COLEC12: variants seen among roughly 807,000 people sequenced by gnomAD.
The protein encoded by COLEC12 is collectin subfamily member 12, also known as collectin-12.
COLEC12 carries 33 observed loss-of-function variants against 71.1 expected under a neutral mutation model. The ratio of observed to expected loss-of-function variants is 0.46; its 90% CI spans 0.35 to 0.62. The LOEUF is 0.62. Among genes scored for constraint, COLEC12 ranks in the 20% least tolerant of loss-of-function variants. The pLI is 0.00. For missense variants in COLEC12, 765 were observed against 916.1 expected, an observed-to-expected ratio of 0.84 and a Z score of 2.13; for synonymous variants, 350 against 353.0, an observed-to-expected ratio of 0.99 and a Z score of 0.10.
chr18:355,927 G>A (rs1395357563), intron 3 of COLEC12, among the ~76,000 whole-genome samples: 1 of 152,154 alleles, frequency 6.6e-6, no homozygotes, highest in African/African-American at 2.4e-5. Context: ...AACTTAAGAT[G>A]CTCTGGGTTA....
chr18:356,084 G>A (rs1914623493), intron 3 of COLEC12, among the ~76,000 whole-genome samples: 1 of 152,184 alleles, frequency 6.6e-6, no homozygotes, highest in Non-Finnish European at 1.5e-5. Context: ...AGTCCCGACT[G>A]TACTGAGGAT....
chr18:484,049 C>A (rs1188005922), intron 1 of COLEC12, among the ~76,000 whole-genome samples: 1 of 152,216 alleles, frequency 6.6e-6, no homozygotes, highest in Non-Finnish European at 1.5e-5. Context: ...GTTCATGCTG[C>A]ACCCTTGATA....
At chr18:350,629 TA>T (rs112955441) in intron 3 of COLEC12, among the ~76,000 whole-genome samples, 5 of 150,876 alleles carry the variant, frequency 3.3e-5, no homozygotes, top group African/African-American at 1.2e-4. Flanking sequence ...ATCAATAGCT[TA>T]AAAAAAAAGA....
At chr18:406,540 A>AG (rs1915793630) in intron 2 of COLEC12, among the ~76,000 whole-genome samples, 50 of 145,934 alleles carry the variant, frequency 3.4e-4, no homozygotes, top group African/African-American at 1.2e-3. Flanking sequence ...AAAAAAAAAA[A>AG]GGGCAACCAG....
chr18:401,659 A>G (rs1915689685), intron 2 of COLEC12, among the ~76,000 whole-genome samples: 1 of 152,246 alleles, frequency 6.6e-6, no homozygotes, highest in South Asian at 2.1e-4. Context: ...CTGGTATCCC[A>G]ACGTTTTTGC....
rs867963075 is a variant in COLEC12, at chr18:399,383, G to A, written c.59-41861C>T. Among the ~76,000 whole-genome samples, 16 of 152,298 alleles carry A rather than the reference G, an allele frequency of 1.1e-4. No homozygotes were observed. Among genetic ancestry groups the A allele is most frequent in the Admixed American group, 5.2e-4 (8 of 15,298 alleles). ...GGAAGGGTTCTCATCACTGTGTAGC[G>A]CGCAGCTCTGTGCCCCTGCCCAGCC... On this transcript the variant is annotated intron_variant, in intron 2 of 9. Transcript: ENST00000400256. The surrounding 1 kb of genome is among the most constrained non-coding windows in gnomAD (Gnocchi z 4.0).
chr18:402,054 G>A (rs1159068719), intron 2 of COLEC12, among the ~76,000 whole-genome samples: 4 of 152,162 alleles, frequency 2.6e-5, no homozygotes, highest in Admixed American at 6.5e-5. Flanking sequence ...CATTGTTATC[G>A]GTTGAGGGTA....
At chr18:367,457 C>T (rs566707368) in intron 2 of COLEC12, among the ~76,000 whole-genome samples, 22 of 152,258 alleles carry the variant, frequency 1.4e-4, no homozygotes, top group South Asian at 8.3e-4. Flanking sequence ...AGACATTCCT[C>T]GTTCCTCAAA....
chr18:378,304 C>T (rs1915156433), intron 2 of COLEC12, among the ~76,000 whole-genome samples: 1 of 152,148 alleles, frequency 6.6e-6, no homozygotes, highest in Admixed American at 6.5e-5. Flanking sequence ...GCTGAGGGCA[C>T]ATCAGAAGAA....
intron 8 of COLEC12, among the ~76,000 whole-genome samples, chr18:331,329 G>A (rs1913975763): frequency 6.6e-6 from 1 of 152,224 alleles, no homozygotes; most frequent in Admixed American, 6.5e-5. Context: ...ACATGCCTGA[G>A]GTTGCCTGGG....
At chr18:432,502 T>C (rs542526242) in intron 2 of COLEC12, among the ~76,000 whole-genome samples, 3 of 152,232 alleles carry the variant, frequency 2.0e-5, no homozygotes, top group South Asian at 2.1e-4. Flanking sequence ...TCAGTTCTGC[T>C]GTATCCAAAT....
rs551887859 is a variant in COLEC12, at chr18:347,226, G to T, written c.396C>A (p.Asn132Lys). ...CCTGTAACTTCTCCAGCGTATCCTT[G>T]TTCTTGCTGGTTTTTTCTGTAATCT... ...LREITEKTSK[N>K]KDTLEKLQAS... Residue 132 changes from asparagine (N) to lysine (K), a missense_variant, in exon 5 of 10, where the codon AAC (asparagine) becomes AAA (lysine). Asn to Lys is a moderately conservative substitution (Grantham distance 94). Coordinates refer to ENST00000400256, the MANE Select transcript of COLEC12 (RefSeq NM_130386.3). The T allele has an allele frequency of 6.2e-7, 1 of 1,614,106 alleles. No individual in the cohort carries two copies. The highest frequency in any genetic ancestry group is 1.3e-5 in the African/African-American group (1 of 74,996).
At chr18:407,669 T>G (rs956225709) in intron 2 of COLEC12, among the ~76,000 whole-genome samples, 2 of 152,180 alleles carry the variant, frequency 1.3e-5, no homozygotes, top group African/African-American at 4.8e-5. Context: ...ACACTACCAA[T>G]CTGAACGTTA....
At chr18:456,778 G>T (rs1414011270) in intron 2 of COLEC12, among the ~76,000 whole-genome samples, 2 of 152,180 alleles carry the variant, frequency 1.3e-5, no homozygotes, top group East Asian at 3.9e-4. Context: ...TTGGCTGCTC[G>T]CTATTTTGAG....
chr18:351,692 C>A (rs971519177), intron 3 of COLEC12, among the ~76,000 whole-genome samples: 2 of 152,122 alleles, frequency 1.3e-5, no homozygotes, highest in African/African-American at 4.8e-5. Flanking sequence ...TTCAGCCTCC[C>A]GAGTAGCTGG....
chr18:472,658 G>T (rs1358594395), intron 2 of COLEC12, among the ~76,000 whole-genome samples: 4 of 128,096 alleles, frequency 3.1e-5, no homozygotes, highest in Non-Finnish European at 6.3e-5. Flanking sequence ...CAGCCTGGGT[G>T]ACAGAGTGAG....
chr18:461,665 G>C (rs1567915050), intron 2 of COLEC12, among the ~76,000 whole-genome samples: 1 of 151,236 alleles, frequency 6.6e-6, no homozygotes, highest in African/African-American at 2.4e-5. Flanking sequence ...TAGGATTACA[G>C]ATGTGAGACA....
intron 5 of COLEC12, 110 bp from the exon 6 acceptor site, chr18:335,340 T>A: frequency 1.7e-6 from 2 of 1,180,174 alleles, no homozygotes; most frequent in Non-Finnish European, 2.3e-6. Context: ...GCATACAAAG[T>A]ATATACAGCA....
chr18:457,646 T>G (rs1916899057), intron 2 of COLEC12, among the ~76,000 whole-genome samples: 1 of 152,222 alleles, frequency 6.6e-6, no homozygotes, highest in South Asian at 2.1e-4. Flanking sequence ...AGCCTGGTGT[T>G]TATTTACTTA....
Sources: gnomAD v4.1 joint callset for allele counts (sites outside exome capture counted in the v4.1 genomes callset) on GRCh38, gnomAD v4.1.1 for gene constraint, Gnocchi (gnomAD v3.1) non-coding constraint, MANE v1.5 for transcripts, NCBI Gene and HGNC (gene_info 2026-07-23, HGNC 2026-07-21) for gene names.